EP300: variants seen among roughly 807,000 people sequenced by gnomAD.
The protein encoded by EP300 is histone acetyltransferase p300.
EP300 carries 31 observed loss-of-function variants against 264.0 expected under a neutral mutation model. The ratio of observed to expected loss-of-function variants is 0.12; its 90% CI spans 0.09 to 0.16. EP300 has a LOEUF of 0.16. Among genes scored for constraint, EP300 ranks in the 10% least tolerant of loss-of-function variants. The probability of loss-of-function intolerance (pLI) is 1.00; values close to 1 mark genes in which losing one functional copy is unlikely to be tolerated. For synonymous variants in EP300, 1,340 were observed against 1,045.4 expected (o/e 1.28, Z -5.44); for missense variants, 2,766 against 3,052.9 (o/e 0.91, Z 2.21).
intron 23 of EP300, among the ~76,000 whole-genome samples, chr22:41,167,584 G>GTATATATATATATATATATA (rs56131556): frequency 2.9e-5 from 1 of 34,492 alleles, no homozygotes; most frequent in Non-Finnish European, 4.8e-5. Context: ...GTGTGTGTGT[G>GTATATATATATATATATATA]TATATATATA....
In EP300 at chr22:41,176,627, G is replaced by A. The variant is rs1174226869; in HGVS notation, c.5061+99G>A. On this transcript the variant is annotated intron_variant, in intron 30 of 30. Coordinates refer to ENST00000263253, the MANE Select transcript of EP300 (RefSeq NM_001429.4). ...TTATAGAGGCCTGTGGGATGCTAGG[G>A]GCTTGGCCTCGTGTTTGAGGGGCAG... The A allele has an allele frequency of 1.4e-5, 22 of 1,607,312 alleles. No individual in the cohort carries two copies. In the Admixed American group the frequency reaches 2.9e-4, roughly 21 times the overall value.
Position 41,157,444 on chromosome 22 carries a change from C to T in EP300, c.3501+36C>T, listed in dbSNP as rs760672859. ...TGTTTCAGATTTGACTTTAACTTTT[C>T]TGGGATACCTAGAATAATATAGTGG... On this transcript the variant is annotated intron_variant, in intron 18 of 30. Transcript: ENST00000263253. 16 of 1,578,406 alleles carry T rather than the reference C, an allele frequency of 1.0e-5. No individual in the cohort carries two copies. In the South Asian group the frequency reaches 1.4e-4, roughly 14 times the overall value.
In EP300 at chr22:41,133,010, T is replaced by A. The variant is rs551152449; in HGVS notation, c.1528+1377T>A. Among the ~76,000 whole-genome samples the A allele has an allele frequency of 2.6e-5, 4 of 152,350 alleles. No homozygotes were observed. In the South Asian group the frequency reaches 8.3e-4, roughly 32 times the overall value. The stretch of plus-strand genomic sequence containing the variant: ...GTTCAAATATCTAAGCTATTTTGTT[T>A]GAGTAGTTAGACATCCAGCATTGTA... On this transcript the variant is annotated intron_variant, in intron 6 of 30. Transcript: ENST00000263253.
chr22:41,144,392 C>T (rs2058999330), intron 10 of EP300, among the ~76,000 whole-genome samples: 1 of 152,068 alleles, frequency 6.6e-6, no homozygotes, highest in African/African-American at 2.4e-5. Flanking sequence ...GTCTGTTTCG[C>T]CCAGCCTGGA....
chr22:41,131,125 C>A (rs370294528), intron 5 of EP300, among the ~76,000 whole-genome samples: 129 of 152,252 alleles, frequency 8.5e-4, no homozygotes, highest in African/African-American at 3.0e-3. Flanking sequence ...AGCATTCATA[C>A]AGTGTTGGTC....
At chr22:41,137,842 T>C in intron 8 of EP300, 52 bp downstream of exon 8, 1 of 1,613,076 alleles carries the variant, frequency 6.2e-7, no homozygotes, top group Non-Finnish European at 8.5e-7. Context: ...TACGTCAACA[T>C]GTTTTCAATC....
intron 1 of EP300, among the ~76,000 whole-genome samples, chr22:41,096,214 C>CA (rs2058700866): frequency 6.6e-6 from 1 of 151,644 alleles, no homozygotes; most frequent in Non-Finnish European, 1.5e-5. Flanking sequence ...TAAAAATGAC[C>CA]AAAAGACTGG....
intron 1 of EP300, among the ~76,000 whole-genome samples, chr22:41,108,359 C>G (rs780186897): frequency 7.9e-5 from 12 of 151,236 alleles, no homozygotes; most frequent in Non-Finnish European, 1.3e-4. Context: ...AGCAATCCTC[C>G]CATCTCAGCC....
intron 4 of EP300, among the ~76,000 whole-genome samples, chr22:41,128,061 A>G (rs1285055150): frequency 6.6e-6 from 1 of 152,066 alleles, no homozygotes; most frequent in East Asian, 1.9e-4. Flanking sequence ...AGGGACTAAG[A>G]AGGCTGAGGA....
At chr22:41,147,767 T>A in intron 11 of EP300, 70 bp from the exon 12 acceptor site, 4 of 1,083,678 alleles carry the variant, frequency 3.7e-6, no homozygotes, top group East Asian at 2.4e-5. Flanking sequence ...GAATCAGACA[T>A]AAGAATTCTA....
chr22:41,123,999 G>A (rs1601602453), intron 2 of EP300, among the ~76,000 whole-genome samples: 1 of 152,238 alleles, frequency 6.6e-6, no homozygotes, highest in South Asian at 2.1e-4. Flanking sequence ...TGTAATCCCA[G>A]CACTTTGGGA....
chr22:41,176,578 T>A (rs368191882), intron 30 of EP300, 50 bp downstream of exon 30: 1 of 1,611,838 alleles, frequency 6.2e-7, no homozygotes, highest in South Asian at 1.1e-5. Flanking sequence ...AGGGTTGTTC[T>A]GAGGGGCCAT....
intron 27 of EP300, 127 bp from the exon 28 acceptor site, chr22:41,172,372 T>C: frequency 2.4e-6 from 2 of 828,784 alleles, no homozygotes; most frequent in Non-Finnish European, 3.9e-6. Flanking sequence ...ACGGCTTAGG[T>C]ATAAAGTCTC....
At chr22:41,117,112 T>C in intron 1 of EP300, 75 bp from the exon 2 acceptor site, 1 of 1,255,036 alleles carries the variant, frequency 8.0e-7, no homozygotes, top group Non-Finnish European at 1.2e-6. Flanking sequence ...TTAATGCTTA[T>C]TGAGAACAAT....
In EP300 at chr22:41,176,922, C is replaced by T; in HGVS notation, c.5211C>T (p.Arg1737=). The T allele has an allele frequency of 1.9e-6, 3 of 1,614,188 alleles. No individual in the cohort carries two copies. Among genetic ancestry groups the T allele is most frequent in the Non-Finnish European group, 1.7e-6 (2 of 1,180,046 alleles). ...PGDSRRLSIQ[R]CIQSLVHACQ... is the part of the protein sequence containing the mutation. Reference sequence around the variant, plus strand: ...ATTCTCGCCGCCTGAGTATCCAGCGCTGCATCCAGTCTCTGGTCCATGCTT... The same window carrying T: ...ATTCTCGCCGCCTGAGTATCCAGCGTTGCATCCAGTCTCTGGTCCATGCTT... Residue 1737 remains arginine (R), a synonymous_variant, in exon 31 of 31, where the codon CGC becomes CGT. Coordinates refer to ENST00000263253, the MANE Select transcript of EP300 (RefSeq NM_001429.4).
At chr22:41,104,841 G>A (rs1253043557) in intron 1 of EP300, among the ~76,000 whole-genome samples, 1 of 151,284 alleles carries the variant, frequency 6.6e-6, no homozygotes, top group Non-Finnish European at 1.5e-5. Flanking sequence ...CCAACATGGT[G>A]AAACCCCATC....
chr22:41,155,593 C>T (rs2059072660), intron 17 of EP300, among the ~76,000 whole-genome samples: 2 of 152,072 alleles, frequency 1.3e-5, no homozygotes, highest in Admixed American at 1.3e-4. Context: ...TTTTCATCAT[C>T]TGAAAAAAAT....
At chr22:41,112,130 C>T (rs146115798) in intron 1 of EP300, among the ~76,000 whole-genome samples, 3,579 of 151,574 alleles carry the variant, frequency 0.024, 54 homozygotes, top group Non-Finnish European at 0.038. Flanking sequence ...ACTCGTGATC[C>T]GCCCGCCTTG....
chr22:41,157,943 A>G (rs2059086631), intron 18 of EP300, among the ~76,000 whole-genome samples: 1 of 152,254 alleles, frequency 6.6e-6, no homozygotes, highest in Non-Finnish European at 1.5e-5. Context: ...TAAATAATCA[A>G]CAGACTGTTA....
Sources: gnomAD v4.1 joint callset for allele counts (sites outside exome capture counted in the v4.1 genomes callset) on GRCh38, gnomAD v4.1.1 for gene constraint, MANE v1.5 for transcripts, NCBI Gene and HGNC (gene_info 2026-07-23, HGNC 2026-07-21) for gene names.